The following SLC35F1 variants were observed in gnomAD, a reference collection of about 807,000 sequenced individuals.
SLC35F1 encodes solute carrier family 35 member F1.
A neutral mutation model predicts 48.7 loss-of-function variants in SLC35F1; 14 were observed. The ratio of observed to expected loss-of-function variants is 0.29; its 90% CI spans 0.19 to 0.45. The LOEUF (loss-of-function observed/expected upper bound fraction) is 0.45, where lower values mean the gene tolerates loss of function less well. Ranked by LOEUF, SLC35F1 falls within the 20% of genes least tolerant of loss-of-function variation. The pLI, the probability that SLC35F1 is intolerant of heterozygous loss-of-function variation, is 1.00. For synonymous variants in SLC35F1, 190 were observed against 202.2 expected, an observed-to-expected ratio of 0.94 and a Z score of 0.51; for missense variants, 404 against 500.0, an observed-to-expected ratio of 0.81 and a Z score of 1.83.
intron 1 of SLC35F1, among the ~76,000 whole-genome samples, chr6:117,943,387 G>A (rs1020220683): frequency 6.6e-6 from 1 of 152,088 alleles, no homozygotes; most frequent in Non-Finnish European, 1.5e-5. Flanking sequence ...AGCAAAATAC[G>A]TGTTATCAGA....
intron 1 of SLC35F1, among the ~76,000 whole-genome samples, chr6:118,078,346 AG>A (rs1772852767): frequency 6.6e-6 from 1 of 152,184 alleles, no homozygotes; most frequent in Non-Finnish European, 1.5e-5. Context: ...TTGGAAAGAG[AG>A]GCAAATTTAC....
chr6:117,969,427 A>AT (rs1776611529), intron 1 of SLC35F1, among the ~76,000 whole-genome samples: 1 of 152,214 alleles, frequency 6.6e-6, no homozygotes, highest in Non-Finnish European at 1.5e-5. Context: ...CAGAAACGTA[A>AT]TGTATGGACA....
intron 3 of SLC35F1, among the ~76,000 whole-genome samples, chr6:118,260,803 A>G (rs1176914758): frequency 6.6e-6 from 1 of 152,106 alleles, no homozygotes; most frequent in Non-Finnish European, 1.5e-5. Flanking sequence ...CTTCCTCACT[A>G]CCATTCCGCT....
chr6:117,919,607 C>A (rs977423556), intron 1 of SLC35F1, among the ~76,000 whole-genome samples: 16 of 152,076 alleles, frequency 1.1e-4, no homozygotes, highest in African/African-American at 3.4e-4. Context: ...CAGTCAGAGT[C>A]TGAAGTGAAA....
chr6:118,128,526 T>C (rs1280488830), intron 1 of SLC35F1, among the ~76,000 whole-genome samples: 2 of 151,990 alleles, frequency 1.3e-5, no homozygotes, highest in Non-Finnish European at 2.9e-5. Context: ...ATGGATGAAA[T>C]TGGAAATCAT....
chr6:117,907,947 G>T, intron 1 of SLC35F1, 48 bp downstream of exon 1: 1 of 1,291,670 alleles, frequency 7.7e-7, no homozygotes, highest in Non-Finnish European at 9.8e-7. Flanking sequence ...GGCTGCGGGC[G>T]CCCGGCTCCG....
chr6:117,956,986 A>T (rs192979573), intron 1 of SLC35F1, among the ~76,000 whole-genome samples: 4 of 152,330 alleles, frequency 2.6e-5, no homozygotes, highest in African/African-American at 9.6e-5. Flanking sequence ...TCCATGGAGC[A>T]ATATTCTAAG....
intron 1 of SLC35F1, among the ~76,000 whole-genome samples, chr6:118,097,772 G>A (rs920297023): frequency 8.5e-5 from 13 of 152,138 alleles, no homozygotes; most frequent in South Asian, 2.1e-4. Flanking sequence ...ATCCTAGTCC[G>A]TTAAAAATAG....
intron 1 of SLC35F1, among the ~76,000 whole-genome samples, chr6:118,117,052 C>A (rs576470255): frequency 2.0e-5 from 3 of 152,280 alleles, no homozygotes; most frequent in Admixed American, 6.5e-5. Context: ...TGTACATATA[C>A]AAACCCTGTA....
At chr6:118,004,327 A>G (rs1179995494) in intron 1 of SLC35F1, among the ~76,000 whole-genome samples, 1 of 152,198 alleles carries the variant, frequency 6.6e-6, no homozygotes, top group Non-Finnish European at 1.5e-5. Context: ...GTTTGGGGTT[A>G]CATTTAATAT....
rs137896512 is a variant in SLC35F1 at position 117,968,093 on chromosome 6, C to T, written c.173+60194C>T. 5.3e-5 allele frequency among the ~76,000 whole-genome samples: 8 copies of T among 152,164 alleles called. No homozygotes were observed. The East Asian group carries it at 1.5e-3, about 29-fold the overall frequency. Reference sequence around the variant, plus strand: ...ATGTGAATTGTATTTGACTTCTATACCCTAGTAGAACTTTCTTGTTTGCTT... The same window carrying T: ...ATGTGAATTGTATTTGACTTCTATATCCTAGTAGAACTTTCTTGTTTGCTT... On this transcript the variant is annotated intron_variant, in intron 1 of 7. Transcript: ENST00000360388.
Position 118,069,804 on chromosome 6 carries a change from T to C in SLC35F1, c.174-84641T>C, listed in dbSNP as rs554621120. 1.3e-3 allele frequency among the ~76,000 whole-genome samples: 194 copies of C among 152,304 alleles called. 1 individual carries two copies. Among genetic ancestry groups the C allele is most frequent in the Non-Finnish European group, 2.4e-3 (165 of 68,026 alleles). On this transcript the variant is annotated intron_variant, in intron 1 of 7. Transcript: ENST00000360388. ...TGTCTGAAAGAACAGAGACTCCCAGTACACAGCTACTTACCCAAAATGAGT... is the reference window on the plus strand; with the variant it reads ...TGTCTGAAAGAACAGAGACTCCCAGCACACAGCTACTTACCCAAAATGAGT...
chr6:117,931,078 T>A lies in SLC35F1; in HGVS notation c.173+23179T>A, dbSNP rs539377179. On this transcript the variant is annotated intron_variant, in intron 1 of 7. Transcript: ENST00000360388. ...ATATTGTAAGCACCTGGCCCGTGGT[T>A]AGTTTTCAGTAGACATTACGTGTTA... Among the ~76,000 whole-genome samples, 34 of 152,278 alleles carry A rather than the reference T, an allele frequency of 2.2e-4. 1 individual carries two copies. In the South Asian group the frequency reaches 6.6e-3, roughly 30 times the overall value.
At chr6:118,165,369 C>T (rs890023949) in intron 2 of SLC35F1, among the ~76,000 whole-genome samples, 1 of 152,180 alleles carries the variant, frequency 6.6e-6, no homozygotes, top group Non-Finnish European at 1.5e-5. Context: ...GAAAAGCATT[C>T]CTACTCCCTT....
chr6:117,951,122 T>C (rs1298225229), intron 1 of SLC35F1, among the ~76,000 whole-genome samples: 1 of 152,196 alleles, frequency 6.6e-6, no homozygotes, highest in African/African-American at 2.4e-5. Flanking sequence ...ATGAATGCAA[T>C]CTATGAAAAA....
intron 4 of SLC35F1, among the ~76,000 whole-genome samples, chr6:118,268,901 C>T (rs555608088): frequency 2.0e-5 from 3 of 152,200 alleles, no homozygotes; most frequent in East Asian, 3.9e-4. Flanking sequence ...TAAGCCACTG[C>T]GGCCGGCCTA....
At chr6:118,281,653 G>C (rs891864652) in intron 6 of SLC35F1, among the ~76,000 whole-genome samples, 1 of 152,196 alleles carries the variant, frequency 6.6e-6, no homozygotes, top group Non-Finnish European at 1.5e-5. Flanking sequence ...TCTGATCTCA[G>C]GTAATGTGGC....
chr6:118,259,860 C>T (rs1417418342), intron 3 of SLC35F1, among the ~76,000 whole-genome samples: 2 of 152,090 alleles, frequency 1.3e-5, no homozygotes, highest in African/African-American at 4.8e-5. Flanking sequence ...CCTGGCAGGG[C>T]CACTTCTCAA....
chr6:118,164,556 T>C (rs1278662325), intron 2 of SLC35F1, among the ~76,000 whole-genome samples: 1 of 152,218 alleles, frequency 6.6e-6, no homozygotes, highest in Non-Finnish European at 1.5e-5. Context: ...ATAATAATAG[T>C]AAATTCTTTA....
Sources: gnomAD v4.1 joint callset for allele counts (sites outside exome capture counted in the v4.1 genomes callset) on GRCh38, gnomAD v4.1.1 for gene constraint, MANE v1.5 for transcripts, NCBI Gene and HGNC (gene_info 2026-07-23, HGNC 2026-07-21) for gene names.